Variants in ROBO1 observed in about 807,000 individuals in gnomAD.
ROBO1 encodes the protein roundabout homolog 1.
Under a neutral mutation model 195.9 loss-of-function variants are expected in ROBO1, and 149 were observed. The ratio of observed to expected loss-of-function variants is 0.76; its 90% CI spans 0.67 to 0.87. The LOEUF is 0.87. Among genes scored for constraint, ROBO1 ranks in the 40% least tolerant of loss-of-function variants. The probability of loss-of-function intolerance (pLI) is 0.00; values close to 1 mark genes in which losing one functional copy is unlikely to be tolerated. For synonymous variants in ROBO1, 816 were observed against 733.2 expected, an observed-to-expected ratio of 1.11 and a Z score of -1.82; for missense variants, 1,933 against 2,068.3, an observed-to-expected ratio of 0.93 and a Z score of 1.27.
intron 2 of ROBO1, among the ~76,000 whole-genome samples, chr3:79,454,546 G>A (rs2039554375): frequency 6.6e-6 from 1 of 152,050 alleles, no homozygotes; most frequent in South Asian, 2.1e-4. Context: ...ATGCATTTTA[G>A]CATGAGTTAA....
intron 3 of ROBO1, among the ~76,000 whole-genome samples, chr3:79,086,312 T>G (rs1432435049): frequency 6.8e-6 from 1 of 147,040 alleles, no homozygotes; most frequent in African/African-American, 2.5e-5. Flanking sequence ...CTCTTTCATG[T>G]AAAAAAAAAA....
chr3:79,585,813 T>C (rs1456918105), intron 2 of ROBO1, among the ~76,000 whole-genome samples: 1 of 151,972 alleles, frequency 6.6e-6, no homozygotes, highest in Non-Finnish European at 1.5e-5. Flanking sequence ...CTCAGGTGCT[T>C]CTGAATGTTT....
chr3:79,251,420 T>C (rs1011890273), intron 2 of ROBO1, among the ~76,000 whole-genome samples: 4 of 152,170 alleles, frequency 2.6e-5, no homozygotes, highest in African/African-American at 9.7e-5. Context: ...TAAAATACTG[T>C]AGGTCAACAA....
Position 79,293,780 on chromosome 3 carries a change from C to T in ROBO1, c.89-168241G>A, listed in dbSNP as rs556979198. On this transcript the variant is annotated intron_variant, in intron 2 of 30. Transcript: ENST00000464233. The stretch of plus-strand genomic sequence containing the variant: ...AGAATTAGAAAAAACTACTTTGGGC[C>T]GGGCGCGGTGGCTCATGCCTGTAAT... Among the ~76,000 whole-genome samples the T allele has an allele frequency of 7.9e-5, 12 of 152,112 alleles. 1 individual carries two copies. The highest frequency in any genetic ancestry group is 4.2e-4 in the South Asian group (2 of 4,818).
At chr3:79,708,299 C>T (rs1702138574) in intron 1 of ROBO1, among the ~76,000 whole-genome samples, 1 of 152,088 alleles carries the variant, frequency 6.6e-6, no homozygotes, top group African/African-American at 2.4e-5. Flanking sequence ...TTTAGCTTCC[C>T]CATATAATTA....
chr3:79,658,755 T>C (rs2106807374), intron 1 of ROBO1, among the ~76,000 whole-genome samples: 1 of 151,878 alleles, frequency 6.6e-6, no homozygotes, highest in Middle Eastern at 3.4e-3. Context: ...TGTACTCCCT[T>C]AGTTATTCAA....
chr3:78,726,796 T>C (rs750234477), intron 5 of ROBO1, among the ~76,000 whole-genome samples: 75 of 152,278 alleles, frequency 4.9e-4, no homozygotes, highest in Admixed American at 7.9e-4. Context: ...AGTACAGTTT[T>C]AGATGATCCC....
intron 3 of ROBO1, among the ~76,000 whole-genome samples, chr3:79,000,926 G>A (rs148541200): frequency 0.031 from 4,689 of 152,258 alleles, 109 homozygotes; most frequent in Non-Finnish European, 0.048. Context: ...ATACACCATG[G>A]AATACTATGC....
At chr3:78,966,024 A>G (rs1392602763) in intron 3 of ROBO1, among the ~76,000 whole-genome samples, 3 of 152,190 alleles carry the variant, frequency 2.0e-5, no homozygotes, top group Non-Finnish European at 2.9e-5. Flanking sequence ...AGCAGCCGGC[A>G]TTAGCCCCTG....
chr3:78,681,610 A>G (rs569922349), intron 10 of ROBO1, among the ~76,000 whole-genome samples: 1 of 152,330 alleles, frequency 6.6e-6, no homozygotes, highest in South Asian at 2.1e-4. Context: ...CAGAAGACTT[A>G]AGACGGAGAA....
rs1472314555 is a variant in ROBO1 at position 79,389,699 on chromosome 3, C to T, written c.88+200125G>A. Among the ~76,000 whole-genome samples the T allele has an allele frequency of 2.0e-5, 3 of 151,894 alleles. No individual in the cohort carries two copies. In the East Asian group the frequency reaches 5.8e-4, roughly 29 times the overall value. ...TGATCCAATTTTGGAGAATAATGCACTGGATAGAGGAAAGAGCAAATATAG... is the reference window on the plus strand; with the variant it reads ...TGATCCAATTTTGGAGAATAATGCATTGGATAGAGGAAAGAGCAAATATAG... On this transcript the variant is annotated intron_variant, in intron 2 of 30. Transcript: ENST00000464233.
chr3:78,747,923 A>G (rs2082696096), intron 4 of ROBO1, among the ~76,000 whole-genome samples: 1 of 152,196 alleles, frequency 6.6e-6, no homozygotes, highest in African/African-American at 2.4e-5. Flanking sequence ...TGCAATCTTG[A>G]ACATAACTAT....
rs555258322 is a variant in ROBO1 at position 79,324,140 on chromosome 3, C to A, written c.89-198601G>T. The stretch of plus-strand genomic sequence containing the variant: ...CACCCATGCCGTCCTTTCAAATTGA[C>A]CTCACACTGGCCATAAGCCTTTAGG... On this transcript the variant is annotated intron_variant, in intron 2 of 30. Transcript: ENST00000464233. 3.7e-4 allele frequency among the ~76,000 whole-genome samples: 56 copies of A among 152,230 alleles called. 1 individual carries two copies. The South Asian group carries it at 7.7e-3, about 21-fold the overall frequency.
chr3:79,111,537 T>C (rs1272856135), intron 3 of ROBO1, among the ~76,000 whole-genome samples: 1 of 152,096 alleles, frequency 6.6e-6, no homozygotes, highest in East Asian at 1.9e-4. Flanking sequence ...TTGTATCCCA[T>C]TCCATCGCTG....
intron 2 of ROBO1, among the ~76,000 whole-genome samples, chr3:79,446,324 A>G (rs1193470793): frequency 6.6e-6 from 1 of 152,238 alleles, no homozygotes; most frequent in Non-Finnish European, 1.5e-5. Flanking sequence ...AAATTATAGG[A>G]GTCTATAATT....
At chr3:78,874,306 T>C (rs1184149861) in intron 4 of ROBO1, among the ~76,000 whole-genome samples, 1 of 151,958 alleles carries the variant, frequency 6.6e-6, no homozygotes, top group Non-Finnish European at 1.5e-5. Context: ...TTTACACACA[T>C]AAAACTCCAT....
At chr3:78,653,289 C>T (rs9851228) in intron 18 of ROBO1, among the ~76,000 whole-genome samples, 87,268 of 151,728 alleles carry the variant, frequency 0.58, 26,905 homozygotes, top group Admixed American at 0.68. Flanking sequence ...GACTGACTTA[C>T]GGTGGCCACC....
intron 2 of ROBO1, among the ~76,000 whole-genome samples, chr3:79,346,907 C>G (rs2035141209): frequency 6.6e-6 from 1 of 151,700 alleles, no homozygotes; most frequent in Non-Finnish European, 1.5e-5. Context: ...GTTTTCAAAT[C>G]AATACTTTAT....
At chr3:79,647,831 A>G (rs1019095544) in intron 1 of ROBO1, among the ~76,000 whole-genome samples, 6 of 151,820 alleles carry the variant, frequency 4.0e-5, no homozygotes, top group Non-Finnish European at 7.4e-5. Flanking sequence ...TGTTGATGAG[A>G]AAAAAAACCG....
Sources: gnomAD v4.1 joint callset for allele counts (sites outside exome capture counted in the v4.1 genomes callset) on GRCh38, gnomAD v4.1.1 for gene constraint, MANE v1.5 for transcripts, NCBI Gene and HGNC (gene_info 2026-07-23, HGNC 2026-07-21) for gene names.